FAR2: variants seen among roughly 807,000 people sequenced by gnomAD.
The protein encoded by FAR2 is epididymis secretory protein Li 81.
A neutral mutation model predicts 56.0 loss-of-function variants in FAR2; 19 were observed. The observed-to-expected ratio is 0.34, with a 90% CI of 0.24 to 0.50. FAR2 has a LOEUF of 0.50. Ranked by LOEUF, FAR2 falls within the 20% of genes least tolerant of loss-of-function variation. FAR2 has a pLI of 0.98. For synonymous variants in FAR2, 219 were observed against 218.8 expected (o/e 1.00, Z -0.01); for missense variants, 508 against 642.2 (o/e 0.79, Z 2.26).
chr12:29,209,692 C>CTGTGTGTG (rs34881464), intron 1 of FAR2, among the ~76,000 whole-genome samples: 3,882 of 149,116 alleles, frequency 0.026, 58 homozygotes, highest in Non-Finnish European at 0.035. Context: ...GATGTCTGCT[C>CTGTGTGTG]TGTGTGTGTG....
At chr12:29,240,278 G>A (rs1376049598) in intron 1 of FAR2, among the ~76,000 whole-genome samples, 1 of 152,144 alleles carries the variant, frequency 6.6e-6, no homozygotes, top group African/African-American at 2.4e-5. Context: ...GCTTACACCT[G>A]CATTTCCAGG....
chr12:29,249,267 G>A lies in FAR2; in HGVS notation c.-38-21145G>A, dbSNP rs143132931. 9.1e-3 allele frequency among the ~76,000 whole-genome samples: 1,393 copies of A among 152,262 alleles called. 18 individuals are homozygous for A. Among genetic ancestry groups the A allele is most frequent in the African/African-American group, 0.032 (1,325 of 41,548 alleles). On this transcript the variant is annotated intron_variant, in intron 1 of 11. Transcript: ENST00000536681. The stretch of plus-strand genomic sequence containing the variant: ...TGTCCATAAAATCTTCACAATCCAC[G>A]TTCTTCTGCCATGGCTTCAGCCGGT...
At chr12:29,284,052 T>C (rs1948830229) in intron 2 of FAR2, among the ~76,000 whole-genome samples, 1 of 152,204 alleles carries the variant, frequency 6.6e-6, no homozygotes, top group African/African-American at 2.4e-5. Flanking sequence ...ATGTCCCACG[T>C]CTATCTGTTT....
At chr12:29,257,039 G>A (rs879508269) in intron 1 of FAR2, among the ~76,000 whole-genome samples, 11 of 152,252 alleles carry the variant, frequency 7.2e-5, no homozygotes, top group African/African-American at 9.6e-5. Flanking sequence ...TGCACGGCGC[G>A]GGACTGGCAG....
intron 1 of FAR2, among the ~76,000 whole-genome samples, chr12:29,167,426 C>A (rs754171297): frequency 6.6e-6 from 1 of 152,182 alleles, no homozygotes; most frequent in African/African-American, 2.4e-5. Context: ...GTCTGACCTA[C>A]GTTTTTCTAC....
At chr12:29,174,531 C>T (rs1001468948) in intron 1 of FAR2, among the ~76,000 whole-genome samples, 1 of 136,898 alleles carries the variant, frequency 7.3e-6, no homozygotes, top group African/African-American at 2.7e-5. Flanking sequence ...TGCCATTCTC[C>T]TGTCTCAGCC....
At chr12:29,155,758 CCAAT>C (rs1949720717) in intron 1 of FAR2, among the ~76,000 whole-genome samples, 1 of 152,212 alleles carries the variant, frequency 6.6e-6, no homozygotes, top group African/African-American at 2.4e-5. Flanking sequence ...AGTGCCCTAA[CCAAT>C]CAATTATTAT....
chr12:29,269,963 C>T (rs1418006607), intron 1 of FAR2, among the ~76,000 whole-genome samples: 1 of 152,204 alleles, frequency 6.6e-6, no homozygotes, highest in African/African-American at 2.4e-5. Context: ...GCACCTTTGC[C>T]CTTGCTCTTT....
At chr12:29,170,411 GGCTATGCCCTT>G (rs1949873743) in intron 1 of FAR2, among the ~76,000 whole-genome samples, 1 of 152,194 alleles carries the variant, frequency 6.6e-6, no homozygotes, top group Non-Finnish European at 1.5e-5. Context: ...AGTGCTTTCG[GGCTATGCCCTT>G]GTTTACACTG....
chr12:29,179,027 C>G (rs1949966929), intron 1 of FAR2, among the ~76,000 whole-genome samples: 1 of 152,100 alleles, frequency 6.6e-6, no homozygotes. Flanking sequence ...TTTCCTGTGT[C>G]TTCAGAACAT....
In FAR2 at chr12:29,274,506, A is replaced by C. The variant is rs79802233; in HGVS notation, c.189+3868A>C. 4.7e-3 allele frequency among the ~76,000 whole-genome samples: 721 copies of C among 152,074 alleles called. 26 individuals are homozygous for C. In the East Asian group the frequency reaches 0.071, roughly 15 times the overall value. On this transcript the variant is annotated intron_variant, in intron 2 of 11. Coordinates refer to ENST00000536681, the MANE Select transcript of FAR2 (RefSeq NM_001271783.2). ...GTGAATAGTGCCGCAATAAACATAC[A>C]TGTGCATGTGTCTTTATAGCAGCAT... is the stretch of plus-strand genomic sequence containing the variant.
At chr12:29,209,870 T>C (rs1357485441) in intron 1 of FAR2, among the ~76,000 whole-genome samples, 1 of 152,330 alleles carries the variant, frequency 6.6e-6, no homozygotes, top group East Asian at 1.9e-4. Flanking sequence ...TAATTTCTTA[T>C]GGTTTCTTAT....
At chr12:29,285,364 A>G (rs2136734144) in intron 2 of FAR2, among the ~76,000 whole-genome samples, 1 of 152,342 alleles carries the variant, frequency 6.6e-6, no homozygotes, top group East Asian at 1.9e-4. Flanking sequence ...TTCCAAAGCC[A>G]GTTGTGTTCC....
chr12:29,225,248 A>C (rs1335954897), intron 1 of FAR2, among the ~76,000 whole-genome samples: 1 of 152,160 alleles, frequency 6.6e-6, no homozygotes, highest in African/African-American at 2.4e-5. Context: ...TAAATAAATA[A>C]ATAATATGAA....
chr12:29,226,338 CTTTA>C (rs1209706885), intron 1 of FAR2, among the ~76,000 whole-genome samples: 3 of 152,108 alleles, frequency 2.0e-5, no homozygotes, highest in Non-Finnish European at 4.4e-5. Context: ...TGTGTTCTTG[CTTTA>C]TTTATTAATA....
intron 1 of FAR2, among the ~76,000 whole-genome samples, chr12:29,218,030 T>C (rs923521944): frequency 1.6e-4 from 24 of 150,228 alleles, no homozygotes; most frequent in African/African-American, 5.8e-4. Context: ...AAAATGATAC[T>C]GTAGAACTGA....
chr12:29,213,839 C>T (rs777634114), intron 1 of FAR2, among the ~76,000 whole-genome samples: 12 of 152,106 alleles, frequency 7.9e-5, no homozygotes, highest in Non-Finnish European at 1.5e-4. Flanking sequence ...TTTAAGTAAA[C>T]TTCCCTTTAA....
chr12:29,303,813 G>A (rs184912470), intron 4 of FAR2, among the ~76,000 whole-genome samples: 5 of 152,312 alleles, frequency 3.3e-5, no homozygotes, highest in East Asian at 1.9e-4. Context: ...GTAAAAATGA[G>A]AATTCTGTGT....
chr12:29,296,153 A>T (rs934267551), intron 3 of FAR2, among the ~76,000 whole-genome samples: 1 of 151,994 alleles, frequency 6.6e-6, no homozygotes, highest in Non-Finnish European at 1.5e-5. Flanking sequence ...TTTTCCATGT[A>T]TGCAATTATA....
Sources: allele counts gnomAD v4.1 joint callset (sites outside exome capture counted in the v4.1 genomes callset), GRCh38; gene constraint gnomAD v4.1.1; transcripts MANE v1.5; gene names NCBI Gene and HGNC (gene_info 2026-07-23, HGNC 2026-07-21).